OTOGL: variants seen among roughly 807,000 people sequenced by gnomAD.
OTOGL encodes otogelin-like protein.
Under a neutral mutation model 318.5 loss-of-function variants are expected in OTOGL, and 285 were observed. That is an observed-to-expected ratio of 0.89 (90% CI 0.81 to 0.99). The LOEUF is 0.99. Among genes scored for constraint, OTOGL ranks in the 50% least tolerant of loss-of-function variants. The pLI is 0.00. For synonymous variants in OTOGL, 987 were observed against 936.5 expected, an observed-to-expected ratio of 1.05 and a Z score of -0.99; for missense variants, 2,899 against 2,845.6, an observed-to-expected ratio of 1.02 and a Z score of -0.43.
chr12:80,294,294 T>C (rs1289097673), intron 26 of OTOGL, among the ~76,000 whole-genome samples: 1 of 151,998 alleles, frequency 6.6e-6, no homozygotes, highest in African/African-American at 2.4e-5. Context: ...GATAGAATAT[T>C]TCTTGACATT....
chr12:80,320,302 G>A (rs1887238848), intron 33 of OTOGL, 120 bp from the exon 34 acceptor site: 2 of 857,648 alleles, frequency 2.3e-6, no homozygotes, highest in South Asian at 3.0e-5. Flanking sequence ...TTAGTTATTG[G>A]CACTAATTAT....
At chr12:80,114,819 A>AT (rs1018665628) in intron 1 of OTOGL, among the ~76,000 whole-genome samples, 3 of 149,950 alleles carry the variant, frequency 2.0e-5, no homozygotes, top group Non-Finnish European at 3.0e-5. Context: ...GTTCCTTTTC[A>AT]TTTTTTTTTC....
intron 1 of OTOGL, among the ~76,000 whole-genome samples, chr12:80,157,850 G>A (rs1351458359): frequency 6.6e-6 from 1 of 152,004 alleles, no homozygotes. Context: ...ACTCTTCTAT[G>A]TTGGCTCTCA....
rs548741722 is a variant in OTOGL, at chr12:80,358,685, CT to C, written c.6139del (p.Cys2047ValfsTer12). On this transcript the variant is annotated frameshift_variant, in exon 51 of 59. Coordinates refer to ENST00000547103, the MANE Select transcript of OTOGL (RefSeq NM_001378609.3). LOFTEE classifies it high-confidence loss of function. ...PQYYCVCEPN[L>X]CPMPLLNCAE... ...TTTCTTTTTAGTATGTGAACCAAAC[CT>C]TTGTCCTATGCCATTACTCAACTGT... is the stretch of plus-strand genomic sequence containing the variant. The C allele has an allele frequency of 3.1e-6, 5 of 1,611,772 alleles. No homozygotes were observed. Among genetic ancestry groups the C allele is most frequent in the Non-Finnish European group, 4.2e-6 (5 of 1,178,420 alleles).
In OTOGL at chr12:80,296,859, C is replaced by T; in HGVS notation, c.2961C>T (p.Ala987=). 1.3e-6 allele frequency: 2 copies of T among 1,524,300 alleles called. No homozygotes were observed. The highest frequency in any genetic ancestry group is 2.4e-5 in the East Asian group (1 of 40,944). The allele number at this position is 1,524,300 out of a possible 1,614,324, so 94.4% of individuals were successfully genotyped here. A position where few individuals can be genotyped will look rare whatever the true frequency, so the allele number is the denominator to read the frequency against. The part of the protein sequence containing the change: ...SADDSDISVI[A]QNKKCFDNDI... ...ATGATTCAGATATATCTGTCATTGC[C>T]CAGAACAAGAAATGCTTTGACAACG... The change falls in exon 27 of 59, where the codon GCC becomes GCT. Residue 987 remains alanine, a synonymous_variant. Coordinates refer to ENST00000547103, the MANE Select transcript of OTOGL (RefSeq NM_001378609.3).
At chr12:80,209,697 T>C (rs1877095385) in intron 2 of OTOGL, among the ~76,000 whole-genome samples, 187 bp downstream of exon 2, 1 of 152,168 alleles carries the variant, frequency 6.6e-6, no homozygotes, top group Non-Finnish European at 1.5e-5. Flanking sequence ...GTTTTCATTT[T>C]TTGACTCTTT....
chr12:80,335,614 T>A (rs1888342021), intron 38 of OTOGL, among the ~76,000 whole-genome samples: 1 of 152,134 alleles, frequency 6.6e-6, no homozygotes, highest in Non-Finnish European at 1.5e-5. Flanking sequence ...GAAGTTATAT[T>A]GATATACTAG....
At chr12:80,155,103 T>C (rs1434025408) in intron 1 of OTOGL, among the ~76,000 whole-genome samples, 1 of 152,180 alleles carries the variant, frequency 6.6e-6, no homozygotes, top group Non-Finnish European at 1.5e-5. Flanking sequence ...TTCCTTAAGG[T>C]CTTTGGCGCA....
intron 9 of OTOGL, 115 bp from the exon 10 acceptor site, chr12:80,238,736 T>C: frequency 8.4e-7 from 1 of 1,188,380 alleles, no homozygotes; most frequent in Non-Finnish European, 1.1e-6. Flanking sequence ...ATTATAATGT[T>C]ACTGAGTTTA....
chr12:80,174,285 C>G (rs12816611), intron 1 of OTOGL, among the ~76,000 whole-genome samples: 24,778 of 152,052 alleles, frequency 0.16, 3,772 homozygotes, highest in African/African-American at 0.41. Context: ...AGGAAAGAAA[C>G]CTTAAAAACA....
chr12:80,192,477 G>C (rs1875762636), intron 1 of OTOGL, among the ~76,000 whole-genome samples: 1 of 152,154 alleles, frequency 6.6e-6, no homozygotes, highest in Non-Finnish European at 1.5e-5. Context: ...AAGTTTGTGG[G>C]AAAATAGAGG....
intron 26 of OTOGL, among the ~76,000 whole-genome samples, chr12:80,289,442 C>G (rs1336305346): frequency 6.6e-6 from 1 of 152,204 alleles, no homozygotes; most frequent in African/African-American, 2.4e-5. Flanking sequence ...AGATCCGCTG[C>G]TCTCGTCAGA....
chr12:80,334,081 T>C (rs150881106), intron 38 of OTOGL, among the ~76,000 whole-genome samples: 7 of 152,212 alleles, frequency 4.6e-5, no homozygotes, highest in African/African-American at 1.7e-4. Context: ...TTGGCTGGTA[T>C]ATTGTGGGTA....
intron 35 of OTOGL, among the ~76,000 whole-genome samples, chr12:80,327,668 G>A (rs892021631): frequency 1.1e-4 from 16 of 151,426 alleles, no homozygotes; most frequent in African/African-American, 3.9e-4. Context: ...GAGTATAAGA[G>A]TGGAAAGCGG....
chr12:80,252,029 TA>T, intron 12 of OTOGL, 46 bp from the exon 13 acceptor site: 1 of 1,440,606 alleles, frequency 6.9e-7, no homozygotes, highest in East Asian at 2.6e-5. Flanking sequence ...AAAAAAGAAA[TA>T]GAGGCTAATA....
chr12:80,137,901 T>C (rs921725277), intron 1 of OTOGL, among the ~76,000 whole-genome samples: 7 of 152,178 alleles, frequency 4.6e-5, no homozygotes, highest in Admixed American at 2.0e-4. Context: ...CCCGTGTTTC[T>C]GTTCTTTGGG....
At chr12:80,155,047 T>G (rs1873028232) in intron 1 of OTOGL, among the ~76,000 whole-genome samples, 1 of 152,228 alleles carries the variant, frequency 6.6e-6, no homozygotes, top group East Asian at 1.9e-4. Context: ...GTGGAGCATT[T>G]TTTCATATGC....
chr12:80,126,558 G>T (rs1248100373), intron 1 of OTOGL, among the ~76,000 whole-genome samples: 3 of 152,100 alleles, frequency 2.0e-5, no homozygotes, highest in Admixed American at 6.6e-5. Flanking sequence ...TATTGGGTCC[G>T]CTTGGTGCAG....
chr12:80,145,458 T>C (rs1265543335), intron 1 of OTOGL, among the ~76,000 whole-genome samples: 1 of 152,082 alleles, frequency 6.6e-6, no homozygotes, highest in East Asian at 1.9e-4. Flanking sequence ...TTGGTTACTG[T>C]AGCCTTCTAG....
Sources: allele counts gnomAD v4.1 joint callset (sites outside exome capture counted in the v4.1 genomes callset), GRCh38; gene constraint gnomAD v4.1.1; transcripts MANE v1.5; gene names NCBI Gene and HGNC (gene_info 2026-07-23, HGNC 2026-07-21).